Variants in ATG7 observed in about 807,000 individuals in gnomAD.
ATG7 encodes the protein ubiquitin-like modifier-activating enzyme ATG7.
A neutral mutation model predicts 82.4 loss-of-function variants in ATG7; 70 were observed. The ratio of observed to expected loss-of-function variants is 0.85; its 90% CI spans 0.70 to 1.04. ATG7 has a LOEUF of 1.04. Ranked by LOEUF, ATG7 falls within the 50% of genes least tolerant of loss-of-function variation. The probability of loss-of-function intolerance (pLI) is 0.00; values close to 1 mark genes in which losing one functional copy is unlikely to be tolerated. For synonymous variants in ATG7, 287 were observed against 313.0 expected, an observed-to-expected ratio of 0.92 and a Z score of 0.88; for missense variants, 792 against 864.3, an observed-to-expected ratio of 0.92 and a Z score of 1.05.
chr3:11,371,617 A>G (rs1484408318), intron 18 of ATG7, among the ~76,000 whole-genome samples: 1 of 150,974 alleles, frequency 6.6e-6, no homozygotes, highest in Non-Finnish European at 1.5e-5. Context: ...AGCCATTTCA[A>G]AATACCCATT....
chr3:11,450,474 C>T (rs183516264), intron 20 of ATG7, among the ~76,000 whole-genome samples: 1 of 152,176 alleles, frequency 6.6e-6, no homozygotes, highest in Admixed American at 6.5e-5. Flanking sequence ...TATAAAGATT[C>T]TCTGGGACTA....
At chr3:11,553,734 G>A (rs2072071651) in intron 20 of ATG7, among the ~76,000 whole-genome samples, 1 of 152,220 alleles carries the variant, frequency 6.6e-6, no homozygotes, top group African/African-American at 2.4e-5. Context: ...GGGGCAGTGA[G>A]AAGGCTGCCT....
intron 20 of ATG7, among the ~76,000 whole-genome samples, chr3:11,542,935 T>G (rs1191774117): frequency 3.3e-5 from 5 of 152,176 alleles, no homozygotes; most frequent in Non-Finnish European, 7.3e-5. Context: ...CCTGAGCATC[T>G]TTGTAGGGGG....
intron 20 of ATG7, among the ~76,000 whole-genome samples, chr3:11,552,408 C>T (rs1271324971): frequency 6.6e-6 from 1 of 152,158 alleles, no homozygotes; most frequent in Non-Finnish European, 1.5e-5. Flanking sequence ...AGAGGACATT[C>T]ACTGTGCCCC....
chr3:11,476,853 T>G (rs2088305333), intron 20 of ATG7, among the ~76,000 whole-genome samples: 2 of 152,236 alleles, frequency 1.3e-5, no homozygotes, highest in South Asian at 4.1e-4. Context: ...GATCAAAACA[T>G]GACTCCACTC....
At chr3:11,548,732 C>T (rs1048902387) in intron 20 of ATG7, among the ~76,000 whole-genome samples, 3 of 152,208 alleles carry the variant, frequency 2.0e-5, no homozygotes, top group African/African-American at 7.2e-5. Flanking sequence ...CACAGTAGTC[C>T]AGGTGTGGAT....
chr3:11,389,232 CA>C (rs752930553), intron 19 of ATG7, among the ~76,000 whole-genome samples: 783 of 57,226 alleles, frequency 0.014, 5 homozygotes, highest in Middle Eastern at 0.02. Flanking sequence ...GACCCTGTCT[CA>C]AAAAAAAAAA....
At chr3:11,300,207 C>T (rs73123401) in intron 5 of ATG7, among the ~76,000 whole-genome samples, 1 of 152,178 alleles carries the variant, frequency 6.6e-6, no homozygotes, top group South Asian at 2.1e-4. Flanking sequence ...TGGGATTACA[C>T]GATCGAGCCA....
chr3:11,340,811 C>A, intron 12 of ATG7, 76 bp downstream of exon 12: 1 of 1,350,446 alleles, frequency 7.4e-7, no homozygotes, highest in African/African-American at 1.5e-5. Flanking sequence ...CAGGCCAACA[C>A]AACATTGTGT....
intron 14 of ATG7, among the ~76,000 whole-genome samples, chr3:11,352,700 A>C (rs1575636791): frequency 6.6e-6 from 1 of 152,352 alleles, no homozygotes; most frequent in East Asian, 1.9e-4. Flanking sequence ...ATTTTATTGA[A>C]TTATAATTGA....
intron 20 of ATG7, among the ~76,000 whole-genome samples, chr3:11,534,323 ATATT>A (rs2092748478): frequency 6.6e-6 from 1 of 152,212 alleles, no homozygotes; most frequent in Admixed American, 6.5e-5. Flanking sequence ...AAAGGCATCT[ATATT>A]TAGGTAGGGA....
Position 11,366,367 on chromosome 3 carries a change from G to GC in ATG7, c.1875+1639dup, listed in dbSNP as rs984709316. On this transcript the variant is annotated intron_variant, in intron 18 of 20. Transcript: ENST00000693202. ...AAACCACAAAACACTATGAAAATGT[G>GC]CCCCCCTCTGTCCCCCACACACAAG... is the stretch of plus-strand genomic sequence containing the variant. Among the ~76,000 whole-genome samples the GC allele has an allele frequency of 9.9e-5, 15 of 151,972 alleles. 1 individual carries two copies. The East Asian group carries it at 1.9e-3, about 20-fold the overall frequency.
chr3:11,347,256 A>G (rs1381079035), intron 13 of ATG7, among the ~76,000 whole-genome samples: 1 of 152,242 alleles, frequency 6.6e-6, no homozygotes, highest in Non-Finnish European at 1.5e-5. Flanking sequence ...ATCTACCTTT[A>G]AAATCGTATG....
intron 20 of ATG7, among the ~76,000 whole-genome samples, chr3:11,502,861 T>C (rs1341859406): frequency 6.6e-6 from 1 of 152,194 alleles, no homozygotes; most frequent in African/African-American, 2.4e-5. Flanking sequence ...CCTTAGCTTT[T>C]GTGCAATAGG....
chr3:11,475,185 C>T (rs1010201918), intron 20 of ATG7, among the ~76,000 whole-genome samples: 2 of 151,964 alleles, frequency 1.3e-5, no homozygotes, highest in Non-Finnish European at 2.9e-5. Context: ...TGGATTTGCT[C>T]CTAAAGCTAA....
chr3:11,431,568 C>G (rs1442891770), intron 20 of ATG7, among the ~76,000 whole-genome samples: 1 of 152,186 alleles, frequency 6.6e-6, no homozygotes, highest in Admixed American at 6.5e-5. Context: ...CTCCTCCTTC[C>G]AGCCCCTGGC....
chr3:11,417,800 A>ATTTTTTTTTTTTTTTTTTTTT (rs1314378737), intron 19 of ATG7, among the ~76,000 whole-genome samples: 2 of 109,366 alleles, frequency 1.8e-5, no homozygotes, highest in Non-Finnish European at 3.8e-5. Context: ...TATTATTATT[A>ATTTTTTTTTTTTTTTTTTTTT]TTTTATTTTA....
chr3:11,366,218 CAAA>C (rs1296231136), intron 18 of ATG7, among the ~76,000 whole-genome samples: 2 of 60,650 alleles, frequency 3.3e-5, no homozygotes, highest in Non-Finnish European at 3.5e-5. Context: ...GACTCCATCT[CAAA>C]AAAAAAAAAA....
chr3:11,532,181 G>A (rs781365935), intron 20 of ATG7, among the ~76,000 whole-genome samples: 19 of 152,170 alleles, frequency 1.2e-4, no homozygotes, highest in Non-Finnish European at 2.4e-4. Flanking sequence ...TTCAACAAGC[G>A]TGTATTGAGT....
Sources: gnomAD v4.1 joint callset for allele counts (sites outside exome capture counted in the v4.1 genomes callset) on GRCh38, gnomAD v4.1.1 for gene constraint, MANE v1.5 for transcripts, NCBI Gene and HGNC (gene_info 2026-07-23, HGNC 2026-07-21) for gene names.